The following PACS2 variants were observed in gnomAD, a reference collection of about 807,000 sequenced individuals.
The protein encoded by PACS2 is PACS1-like protein.
PACS2 carries 36 observed loss-of-function variants against 113.0 expected under a neutral mutation model. That is an observed-to-expected ratio of 0.32 (90% CI 0.24 to 0.42). PACS2 has a LOEUF of 0.42. PACS2 is among the 10% of genes least tolerant of loss of function. The pLI, the probability that PACS2 is intolerant of heterozygous loss-of-function variation, is 1.00. For synonymous variants in PACS2, 589 were observed against 536.1 expected (o/e 1.10, Z -1.36); for missense variants, 1,015 against 1,239.5 (o/e 0.82, Z 2.72).
intron 1 of PACS2, among the ~76,000 whole-genome samples, chr14:105,301,963 C>G (rs1434511775): frequency 6.6e-6 from 1 of 152,080 alleles, no homozygotes; most frequent in African/African-American, 2.4e-5. Context: ...ATGGCGAAAC[C>G]CCGTCTCCAC....
intron 8 of PACS2, 189 bp downstream of exon 8, chr14:105,370,089 G>A (rs781844512): frequency 1.6e-4 from 93 of 568,114 alleles, no homozygotes; most frequent in Admixed American, 8.2e-4. Flanking sequence ...CAGGTCACCC[G>A]CTGGGTCTCT....
rs782371375 is a variant in PACS2, at chr14:105,383,528, G to A, written c.1780+15G>A. The A allele has an allele frequency of 9.6e-6, 15 of 1,568,890 alleles. No individual in the cohort carries two copies. The highest frequency in any genetic ancestry group is 2.3e-5 in the East Asian group (1 of 44,348). ...CATCCCACTGGGTGAGCACCACGCC[G>A]TCCACCTGGGCCTGGGCACAGATGC... On this transcript the variant is annotated intron_variant, in intron 16 of 24. Transcript: ENST00000447393.
rs987847668 is a variant in PACS2, at chr14:105,383,004, G to C, written c.1625+91G>C. On this transcript the variant is annotated intron_variant, in intron 15 of 24. Transcript: ENST00000447393. ...TGCCCATTGCTCCGGGGCTAGGTGC[G>C]TCCTGGACCTGGGGCTGTGGCTGGT... The C allele has an allele frequency of 2.4e-5, 18 of 763,098 alleles. No homozygotes were observed. In the Admixed American group the frequency reaches 3.7e-4, roughly 16 times the overall value. The allele number at this position is 763,098 out of a possible 1,614,324, so 47.3% of individuals were successfully genotyped here. A position where few individuals can be genotyped will look rare whatever the true frequency, so the allele number is the denominator to read the frequency against.
Position 105,380,155 on chromosome 14 carries a change from G to A in PACS2, c.1125+1G>A. ...CAGTGTCTCTGACACGGTGGCCCTC[G>A]TAAGCAGGCTTGGGCCGCACCCACC... On this transcript the variant is annotated splice_donor_variant, in intron 11 of 24. Coordinates refer to ENST00000447393, the MANE Select transcript of PACS2 (RefSeq NM_001100913.3). LOFTEE classifies it high-confidence loss of function. 1 of 1,551,086 alleles carries A rather than the reference G, an allele frequency of 6.4e-7. No individual in the cohort carries two copies. The highest frequency in any genetic ancestry group is 8.7e-7 in the Non-Finnish European group (1 of 1,147,032).
At position 105,384,478 on chromosome 14, in the gene PACS2, C is replaced by T. The variant is rs376106857; in HGVS notation, c.1891+15C>T. ...CCAGAGTGCGGGTGAGGCCCGGGCGCGTCCACAGCCCACGCCACGGCGGGA... is the reference window on the plus strand; with the variant it reads ...CCAGAGTGCGGGTGAGGCCCGGGCGTGTCCACAGCCCACGCCACGGCGGGA... On this transcript the variant is annotated intron_variant, in intron 17 of 24. Coordinates refer to ENST00000447393, the MANE Select transcript of PACS2 (RefSeq NM_001100913.3). 3.7e-5 allele frequency: 58 copies of T among 1,546,808 alleles called. No individual in the cohort carries two copies. Among genetic ancestry groups the T allele is most frequent in the Middle Eastern group, 1.7e-4 (1 of 5,964 alleles).
At chr14:105,325,470 G>T (rs771522786) in intron 1 of PACS2, among the ~76,000 whole-genome samples, 2 of 152,158 alleles carry the variant, frequency 1.3e-5, no homozygotes, top group African/African-American at 4.8e-5. Context: ...TGGTCAGCTC[G>T]CTCGGTGCAA....
chr14:105,359,828 C>A (rs140858456), intron 4 of PACS2, among the ~76,000 whole-genome samples: 1 of 152,198 alleles, frequency 6.6e-6, no homozygotes, highest in South Asian at 2.1e-4. Context: ...CCTGACCTCG[C>A]GATCCGCCCA....
At chr14:105,373,851 A>G (rs910073385) in intron 8 of PACS2, among the ~76,000 whole-genome samples, 10 of 151,926 alleles carry the variant, frequency 6.6e-5, no homozygotes, top group African/African-American at 2.4e-4. Flanking sequence ...TAAATGGATC[A>G]GCTGGGTGCG....
At chr14:105,361,805 TG>T (rs2060693880) in intron 4 of PACS2, among the ~76,000 whole-genome samples, 1 of 151,904 alleles carries the variant, frequency 6.6e-6, no homozygotes, top group African/African-American at 2.4e-5. Context: ...CAAAATTAGC[TG>T]GGTGTGGTGG....
chr14:105,359,885 C>G (rs1392653944), intron 4 of PACS2, among the ~76,000 whole-genome samples: 2 of 152,192 alleles, frequency 1.3e-5, no homozygotes, highest in Non-Finnish European at 2.9e-5. Flanking sequence ...GCCACTGTAC[C>G]CGGCCAAGTG....
At chr14:105,304,855 T>C (rs1436686124) in intron 1 of PACS2, among the ~76,000 whole-genome samples, 3 of 152,344 alleles carry the variant, frequency 2.0e-5, no homozygotes, top group Admixed American at 1.3e-4. Flanking sequence ...GTGAGACTTA[T>C]TCGCAATCAC....
At chr14:105,378,523 C>T (rs587715770) in intron 9 of PACS2, among the ~76,000 whole-genome samples, 1 of 152,386 alleles carries the variant, frequency 6.6e-6, no homozygotes, top group African/African-American at 2.4e-5. Flanking sequence ...GGTTCTCCCA[C>T]CTCAGCCTCC....
rs111892042 is a variant in PACS2 at position 105,326,473 on chromosome 14, G to T, written c.119+11436G>T. Among the ~76,000 whole-genome samples, 24 of 152,382 alleles carry T rather than the reference G, an allele frequency of 1.6e-4. 1 individual carries two copies. The highest frequency in any genetic ancestry group is 5.8e-4 in the African/African-American group (24 of 41,590). Reference sequence around the variant, plus strand: ...GGCCAGGCCTTCCTGGTGCGGTGCTGAATTGGGCTGTTCGTTCCTCTGAGC... The same window carrying T: ...GGCCAGGCCTTCCTGGTGCGGTGCTTAATTGGGCTGTTCGTTCCTCTGAGC... On this transcript the variant is annotated intron_variant, in intron 1 of 24. Transcript: ENST00000447393.
rs140262366 is a variant in PACS2, at chr14:105,389,602, G to A, written c.2034-359G>A. 4.1e-4 allele frequency: 118 copies of A among 288,540 alleles called. 1 individual carries two copies. The East Asian group carries it at 6.3e-3, about 15-fold the overall frequency. 17.9% of individuals were successfully genotyped at this position (288,540 alleles called of 1,614,324 possible). ...TGGTGGGGAAGTGGAAATGCAAGCCGGACAGGGCTGAGCTGGCTGTGTGGG... is the reference window on the plus strand; with the variant it reads ...TGGTGGGGAAGTGGAAATGCAAGCCAGACAGGGCTGAGCTGGCTGTGTGGG... On this transcript the variant is annotated intron_variant, in intron 19 of 24. Transcript: ENST00000447393.
In PACS2 at chr14:105,340,124, T is replaced by C. The variant is rs1555401313; in HGVS notation, c.120-8369T>C. The stretch of plus-strand genomic sequence containing the variant: ...GATACAAATTTATTTAAATTAGCTA[T>C]GCTAGTTAAAACAATATGGAATTGG... On this transcript the variant is annotated intron_variant, in intron 1 of 24. Coordinates refer to ENST00000447393, the MANE Select transcript of PACS2 (RefSeq NM_001100913.3). The surrounding 1 kb of genome is among the most constrained non-coding windows in gnomAD (Gnocchi z 4.2). Among the ~76,000 whole-genome samples the C allele has an allele frequency of 6.6e-6, 1 of 152,212 alleles. No homozygotes were observed. Among genetic ancestry groups the C allele is most frequent in the Non-Finnish European group, 1.5e-5 (1 of 68,042 alleles).
At chr14:105,380,672 C>G (rs1267682132) in intron 11 of PACS2, among the ~76,000 whole-genome samples, 2 of 152,200 alleles carry the variant, frequency 1.3e-5, no homozygotes, top group Admixed American at 6.5e-5. Flanking sequence ...CTGGTTCCCC[C>G]CTGCTGCGTT....
At chr14:105,327,737 C>A (rs918353500) in intron 1 of PACS2, among the ~76,000 whole-genome samples, 1 of 152,204 alleles carries the variant, frequency 6.6e-6, no homozygotes, top group Admixed American at 6.5e-5. Context: ...CCAGAGATTG[C>A]GACTGTGGCT....
At chr14:105,369,767 G>C in intron 7 of PACS2, 74 bp from the exon 8 acceptor site, 1 of 1,347,330 alleles carries the variant, frequency 7.4e-7, no homozygotes, top group Non-Finnish European at 1.0e-6. Flanking sequence ...TGCGGCCTGG[G>C]CCTGAGGAAG....
rs1555416077 is a variant in PACS2, at chr14:105,394,694, C to G, written c.*22C>G. ...CTAGCCCCACCCACCAGGGGGCCCA[C>G]CTCCTGCCCCATGCTGTGAGGGGCC... On this transcript the variant is annotated 3_prime_UTR_variant, in exon 25 of 25. Transcript: ENST00000447393. 6.9e-7 allele frequency: 1 copy of G among 1,459,286 alleles called. No individual in the cohort carries two copies. Among genetic ancestry groups the G allele is most frequent in the Non-Finnish European group, 9.6e-7 (1 of 1,039,068 alleles). 90.4% of individuals were successfully genotyped at this position (1,459,286 alleles called of 1,614,324 possible).
Sources: allele counts gnomAD v4.1 joint callset (sites outside exome capture counted in the v4.1 genomes callset), GRCh38; gene constraint gnomAD v4.1.1; non-coding constraint Gnocchi (gnomAD v3.1); transcripts MANE v1.5; gene names NCBI Gene and HGNC (gene_info 2026-07-23, HGNC 2026-07-21).